TMF1: variants seen among roughly 807,000 people sequenced by gnomAD.
TMF1 encodes the protein TATA element modulatory factor 1.
A neutral mutation model predicts 126.5 loss-of-function variants in TMF1; 71 were observed. That is an observed-to-expected ratio of 0.56 (90% CI 0.46 to 0.68). The LOEUF (loss-of-function observed/expected upper bound fraction) is 0.68, where lower values mean the gene tolerates loss of function less well. Among genes scored for constraint, TMF1 ranks in the 30% least tolerant of loss-of-function variants. TMF1 has a pLI of 0.00. For synonymous variants in TMF1, 461 were observed against 430.5 expected, an observed-to-expected ratio of 1.07 and a Z score of -0.88; for missense variants, 1,259 against 1,253.2, an observed-to-expected ratio of 1.00 and a Z score of -0.07.
At chr3:69,041,010 C>T (rs942151569) in intron 5 of TMF1, among the ~76,000 whole-genome samples, 1 of 151,816 alleles carries the variant, frequency 6.6e-6, no homozygotes, top group African/African-American at 2.4e-5. Flanking sequence ...ATATAAAATA[C>T]TCCCATGTGA....
intron 2 of TMF1, among the ~76,000 whole-genome samples, chr3:69,045,874 C>T (rs768782185): frequency 7.9e-5 from 12 of 152,206 alleles, no homozygotes; most frequent in Admixed American, 2.0e-4. Flanking sequence ...AGCCTGGCAG[C>T]ATAGTGAGAC....
intron 10 of TMF1, among the ~76,000 whole-genome samples, chr3:69,031,646 A>T (rs918019941): frequency 2.0e-5 from 3 of 152,230 alleles, no homozygotes; most frequent in Non-Finnish European, 4.4e-5. Flanking sequence ...TTCAATTGAA[A>T]AAAAGAGCAA....
intron 8 of TMF1, 91 bp downstream of exon 8, chr3:69,038,473 C>T: frequency 7.2e-7 from 1 of 1,382,178 alleles, no homozygotes. Context: ...TGTATCACTA[C>T]ATTGTTTGAT....
intron 9 of TMF1, among the ~76,000 whole-genome samples, chr3:69,034,291 G>A (rs2091820681): frequency 6.6e-6 from 1 of 152,018 alleles, no homozygotes; most frequent in African/African-American, 2.4e-5. Flanking sequence ...TGGCCAACAT[G>A]GTGAAACCTC....
At position 69,038,851 on chromosome 3, in the gene TMF1, A is replaced by G. The variant is rs1427764049; in HGVS notation, c.1986T>C (p.Ser662=). The G allele has an allele frequency of 3.8e-6, 6 of 1,599,744 alleles. No individual in the cohort carries two copies. The East Asian group carries it at 1.3e-4, about 36-fold the overall frequency. ...TTTGTTCATTTTCTTACTTGTATGC[A>G]CTATCCAGGGCAGCCTGAATACTTC... ...KNRSIQAALD[S]AYKELTDLHK... Residue 662 remains serine, a synonymous_variant, in exon 7 of 17, where the codon AGT becomes AGC. Transcript: ENST00000398559.
chr3:69,043,408 G>A lies in TMF1; in HGVS notation c.1578+342C>T, dbSNP rs553379087. 1.7e-3 allele frequency among the ~76,000 whole-genome samples: 255 copies of A among 152,158 alleles called. 3 individuals are homozygous for A. The highest frequency in any genetic ancestry group is 5.9e-3 in the African/African-American group (243 of 41,506). ...TGGTCTTGAACTCCTGGGCTCAAGCGATCCACCCTCTTCGGCCTCCTGAGT... is the reference window on the plus strand; with the variant it reads ...TGGTCTTGAACTCCTGGGCTCAAGCAATCCACCCTCTTCGGCCTCCTGAGT... On this transcript the variant is annotated intron_variant, in intron 4 of 16. Coordinates refer to ENST00000398559, the MANE Select transcript of TMF1 (RefSeq NM_007114.3).
In TMF1 at chr3:69,042,898, T is replaced by C; in HGVS notation, c.1593A>G (p.Ile531Met). The C allele has an allele frequency of 3.7e-6, 6 of 1,611,370 alleles. No individual in the cohort carries two copies. The highest frequency in any genetic ancestry group is 5.1e-6 in the Non-Finnish European group (6 of 1,178,180). ...TTAATCTAGTGGCAAGTTCTTCTTT[T>C]ATGTTTTTGATTTCCTAATAAAAAA... ...RDAAKKEIKN[I>M]KEELATRLNS... The change falls in exon 5 of 17, where the codon ATA becomes ATG. Residue 531 changes from isoleucine to methionine, a missense_variant. Ile to Met is a conservative substitution (Grantham distance 10). Transcript: ENST00000398559.
rs1559631087 is a variant in TMF1, at chr3:69,033,723, A to G, written c.2245-19T>C. On this transcript the variant is annotated intron_variant, in intron 9 of 16. Coordinates refer to ENST00000398559, the MANE Select transcript of TMF1 (RefSeq NM_007114.3). Reference sequence around the variant, plus strand: ...GGAGTCTCTGAATCATGAAATTCTGAAGTCATTACCAATGACAGCAATAAA... The same window carrying G: ...GGAGTCTCTGAATCATGAAATTCTGGAGTCATTACCAATGACAGCAATAAA... 1 of 1,587,936 alleles carries G rather than the reference A, an allele frequency of 6.3e-7. No homozygotes were observed. Among genetic ancestry groups the G allele is most frequent in the Admixed American group, 1.8e-5 (1 of 54,270 alleles).
At chr3:69,043,899 G>T in intron 3 of TMF1, 23 bp from the exon 4 acceptor site, 1 of 1,582,862 alleles carries the variant, frequency 6.3e-7, no homozygotes, top group South Asian at 1.2e-5. Context: ...TAATATTTGA[G>T]AATGAGGATG....
rs780995516 is a variant in TMF1 at position 69,048,598 on chromosome 3, T to C, written c.143-36A>G. ...AAAGTAAATATTAAAAAAGAACACA[T>C]ATATGTTACATTAATATTTCAATCA... On this transcript the variant is annotated intron_variant, in intron 1 of 16. Transcript: ENST00000398559. The C allele has an allele frequency of 2.7e-6, 4 of 1,472,484 alleles. No individual in the cohort carries two copies. The South Asian group carries it at 5.4e-5, about 20-fold the overall frequency. The allele number at this position is 1,472,484 out of a possible 1,614,324, so 91.2% of individuals were successfully genotyped here. A position where few individuals can be genotyped will look rare whatever the true frequency, so the allele number is the denominator to read the frequency against.
Position 69,028,278 on chromosome 3 carries a change from T to G in TMF1, c.2612A>C (p.Glu871Ala). ...TCTTACATATTCATCTTTTAGGTTT[T>G]CCAATTCAACCTGGTACCTATTAAA... ...DENNRYQVEL[E>A]NLKDEYVRTL... Residue 871 changes from glutamate (E) to alanine (A), a missense_variant, in exon 12 of 17, where the codon GAA becomes GCA. By Grantham distance (107) the Glu-to-Ala change is moderately radical. Coordinates refer to ENST00000398559, the MANE Select transcript of TMF1 (RefSeq NM_007114.3). The G allele has an allele frequency of 1.9e-6, 3 of 1,612,570 alleles. 1 individual carries two copies. In the Middle Eastern group the frequency reaches 5.0e-4, roughly 266 times the overall value.
intron 13 of TMF1, 135 bp from the exon 14 acceptor site, chr3:69,026,232 A>G: frequency 1.8e-6 from 1 of 545,212 alleles, no homozygotes; most frequent in South Asian, 3.1e-5. Flanking sequence ...AATTCAATAC[A>G]ATCAAAAGAA....
At chr3:69,025,364 T>A in intron 15 of TMF1, 196 bp downstream of exon 15, 1 of 496,524 alleles carries the variant, frequency 2.0e-6, no homozygotes, top group Admixed American at 3.8e-5. Flanking sequence ...AATTAGCAGG[T>A]TCAGTTGGCT....
chr3:69,031,079 G>C (rs934310814), intron 10 of TMF1, among the ~76,000 whole-genome samples: 1 of 152,110 alleles, frequency 6.6e-6, no homozygotes, highest in Admixed American at 6.5e-5. Context: ...CTAAACTACC[G>C]ATACAAAAAC....
In TMF1 at chr3:69,024,192, T is replaced by G; in HGVS notation, c.3013-12A>C. 6.3e-7 allele frequency: 1 copy of G among 1,589,178 alleles called. No homozygotes were observed. Among genetic ancestry groups the G allele is most frequent in the Non-Finnish European group, 8.5e-7 (1 of 1,171,026 alleles). On this transcript the variant is annotated splice_polypyrimidine_tract_variant and intron_variant, in intron 15 of 16. Coordinates refer to ENST00000398559, the MANE Select transcript of TMF1 (RefSeq NM_007114.3). The stretch of plus-strand genomic sequence containing the variant: ...TTGCCAATTTCTAGCTGAGAAGCAT[T>G]ACCACAAAATAGTTTAAATCAAAAC...
chr3:69,041,500 C>T (rs1173812798), intron 5 of TMF1, among the ~76,000 whole-genome samples: 1 of 152,164 alleles, frequency 6.6e-6, no homozygotes, highest in African/African-American at 2.4e-5. Flanking sequence ...TGGAAATTTA[C>T]TTAAGTTCAG....
intron 9 of TMF1, 88 bp from the exon 10 acceptor site, chr3:69,033,792 G>T: frequency 8.4e-7 from 1 of 1,194,696 alleles, no homozygotes; most frequent in Non-Finnish European, 1.2e-6. Flanking sequence ...GAGGTTCCTG[G>T]AAAATTATTT....
chr3:69,044,775 A>C (rs1451704714), intron 2 of TMF1, 180 bp from the exon 3 acceptor site: 1 of 469,970 alleles, frequency 2.1e-6, no homozygotes, highest in Non-Finnish European at 3.8e-6. Flanking sequence ...GAGGAGAGTA[A>C]AAGTAAATAC....
chr3:69,044,021 G>GAA, intron 3 of TMF1, 145 bp from the exon 4 acceptor site: 2 of 506,222 alleles, frequency 4.0e-6, no homozygotes, highest in East Asian at 3.6e-5. Context: ...TAACTTTTAA[G>GAA]AAAAAAAAAG....
Sources: allele counts gnomAD v4.1 joint callset (sites outside exome capture counted in the v4.1 genomes callset), GRCh38; gene constraint gnomAD v4.1.1; transcripts MANE v1.5; gene names NCBI Gene and HGNC (gene_info 2026-07-23, HGNC 2026-07-21).